RBM41: variants seen among roughly 807,000 people sequenced by gnomAD.
The protein encoded by RBM41 is RNA binding motif protein 41, also known as RNA-binding protein 41.
A neutral mutation model predicts 30.8 loss-of-function variants in RBM41; 14 were observed. The ratio of observed to expected loss-of-function variants is 0.45; its 90% CI spans 0.30 to 0.71. The LOEUF is 0.71. Among genes scored for constraint, RBM41 ranks in the 30% least tolerant of loss-of-function variants. RBM41 has a pLI of 0.08. For synonymous variants in RBM41, 120 were observed against 110.1 expected, an observed-to-expected ratio of 1.09 and a Z score of -0.56; for missense variants, 276 against 326.3, an observed-to-expected ratio of 0.85 and a Z score of 1.19.
intron 6 of RBM41, among the ~76,000 whole-genome samples, chrX:107,071,219 A>C (rs1936055416): frequency 2.7e-5 from 3 of 110,122 alleles, no homozygotes; most frequent in Non-Finnish European, 3.8e-5. Context: ...AAAAAAAAAA[A>C]AAACCCAATG....
the RBM41 span, among the ~76,000 whole-genome samples, chrX:107,052,688 C>T: frequency 9.0e-6 from 1 of 111,521 alleles, no homozygotes; most frequent in Non-Finnish European, 1.9e-5. Context: ...TGTAGCTTTA[C>T]AGCTTCAATT....
chrX:107,076,644 A>C (rs1276681634), intron 6 of RBM41, among the ~76,000 whole-genome samples: 1 of 111,412 alleles, frequency 9.0e-6, no homozygotes, highest in Non-Finnish European at 1.9e-5. Flanking sequence ...TTTGCTGTAC[A>C]ACATTGTGCT....
intron 5 of RBM41, among the ~76,000 whole-genome samples, chrX:107,096,606 T>C (rs1922993703): frequency 9.0e-6 from 1 of 111,572 alleles, no homozygotes; most frequent in South Asian, 3.7e-4. Flanking sequence ...CTCAAATGTA[T>C]AATATATCTA....
Position 107,062,334 on chromosome X carries a change from A to G in RBM41, c.*5193T>C, listed in dbSNP as rs1314514255. On this transcript the variant is annotated 3_prime_UTR_variant, in exon 8 of 8. Coordinates refer to ENST00000685964, the MANE Select transcript of RBM41 (RefSeq NM_001324242.2). ...ATATCCTTCATTTTTATGTTCCTCA[A>G]TTGCAGTGGTCTGTAGGTCTAGTAA... 1.8e-5 allele frequency among the ~76,000 whole-genome samples: 2 copies of G among 111,578 alleles called. No individual in the cohort carries two copies. The highest frequency in any genetic ancestry group is 3.8e-5 in the Non-Finnish European group (2 of 53,118).
intron 5 of RBM41, among the ~76,000 whole-genome samples, chrX:107,098,819 G>A (rs1221401843): frequency 9.0e-6 from 1 of 110,848 alleles, no homozygotes; most frequent in Non-Finnish European, 1.9e-5. Context: ...TGGCCAACGT[G>A]GTAAAACCCC....
chrX:107,112,114 A>G (rs995966191), intron 5 of RBM41, among the ~76,000 whole-genome samples: 1 of 111,954 alleles, frequency 8.9e-6, no homozygotes, highest in Admixed American at 9.5e-5. Flanking sequence ...ACAGACTGGG[A>G]AAAAATGTGT....
chrX:107,078,858 T>TA (rs1167957715), intron 6 of RBM41, among the ~76,000 whole-genome samples: 1 of 110,387 alleles, frequency 9.1e-6, no homozygotes, highest in East Asian at 2.8e-4. Context: ...TTGGCTCCTG[T>TA]ATTCCTTTGA....
chrX:107,054,516 G>T, the RBM41 span, among the ~76,000 whole-genome samples: 4 of 111,760 alleles, frequency 3.6e-5, no homozygotes, highest in African/African-American at 1.3e-4. Flanking sequence ...TGCTTCAGGT[G>T]CCCATCTTAC....
intron 6 of RBM41, among the ~76,000 whole-genome samples, chrX:107,075,014 A>G: frequency 8.9e-6 from 1 of 112,108 alleles, no homozygotes; most frequent in Non-Finnish European, 1.9e-5. Flanking sequence ...ACAACATATT[A>G]CAAAGCTACA....
chrX:107,092,723 G>A (rs1237457945), intron 5 of RBM41, among the ~76,000 whole-genome samples: 2 of 112,439 alleles, frequency 1.8e-5, no homozygotes, highest in African/African-American at 3.2e-5. Context: ...AACATTACAT[G>A]TCAGTGAAGT....
In RBM41 at chrX:107,065,508, G is replaced by T. The variant is rs533445188; in HGVS notation, c.*2019C>A. On this transcript the variant is annotated 3_prime_UTR_variant, in exon 8 of 8. Transcript: ENST00000685964. ...CTATTCCTATATAAACCCATCCCCC[G>T]CTTTGTGGTATTATTGTTATATATG... The T allele has an allele frequency of 1.2e-5, 3 of 249,342 alleles. No individual in the cohort carries two copies. The South Asian group carries it at 4.5e-4, about 38-fold the overall frequency. The allele number at this position is 249,342 out of a possible 1,213,427, so 20.5% of individuals were successfully genotyped here.
chrX:107,085,323 G>A (rs901648234), intron 6 of RBM41, among the ~76,000 whole-genome samples: 1 of 104,254 alleles, frequency 9.6e-6, no homozygotes, highest in Non-Finnish European at 2.0e-5. Context: ...TTGGAGTGCA[G>A]TGGCATGATC....
At chrX:107,087,767 C>A (rs1413504835) in intron 6 of RBM41, among the ~76,000 whole-genome samples, 1 of 111,385 alleles carries the variant, frequency 9.0e-6, no homozygotes, top group Non-Finnish European at 1.9e-5. Flanking sequence ...CCGCGCCCAG[C>A]TAATTTTTGT....
intron 5 of RBM41, among the ~76,000 whole-genome samples, chrX:107,099,690 T>TACACACACACACACAC: frequency 1.1e-5 from 1 of 92,538 alleles, no homozygotes; most frequent in African/African-American, 3.9e-5. Context: ...TCCTGAAAGG[T>TACACACACACACACAC]ACACACACAC....
downstream of RBM41, among the ~76,000 whole-genome samples, chrX:107,059,733 ATACT>A (rs1223059165): frequency 1.8e-5 from 2 of 111,883 alleles, no homozygotes; most frequent in Admixed American, 1.9e-4. Flanking sequence ...CTAAATCTAC[ATACT>A]TAAAATTTTA....
At chrX:107,115,141 A>G (rs1035547433) in intron 4 of RBM41, 2 of 431,632 alleles carry the variant, frequency 4.6e-6, no homozygotes, top group South Asian at 7.7e-5. Context: ...CTACCTCAGC[A>G]TTTTATTCAA....
intron 5 of RBM41, among the ~76,000 whole-genome samples, chrX:107,111,339 G>C (rs1924452152): frequency 9.0e-6 from 1 of 111,043 alleles, no homozygotes; most frequent in Admixed American, 9.6e-5. Flanking sequence ...ACCACAATAA[G>C]ATAACATTTC....
intron 1 of RBM41, among the ~76,000 whole-genome samples, chrX:107,117,462 G>A (rs999219072): frequency 8.1e-5 from 9 of 111,657 alleles, no homozygotes; most frequent in Admixed American, 1.9e-4. Context: ...GAAAGGGTTA[G>A]ATGAGAGAGG....
At chrX:107,093,393 T>C (rs1458223083) in intron 5 of RBM41, among the ~76,000 whole-genome samples, 2 of 111,859 alleles carry the variant, frequency 1.8e-5, no homozygotes, top group Non-Finnish European at 3.8e-5. Context: ...ATAAAGTATG[T>C]TCTGTAACCA....
Sources: allele counts gnomAD v4.1 joint callset (sites outside exome capture counted in the v4.1 genomes callset), GRCh38; gene constraint gnomAD v4.1.1; transcripts MANE v1.5; gene names NCBI Gene and HGNC (gene_info 2026-07-23, HGNC 2026-07-21).